PLB1: variants seen among roughly 807,000 people sequenced by gnomAD.
PLB1 encodes the protein phospholipase B1, also known as phospholipase B1, membrane-associated.
A neutral mutation model predicts 227.4 loss-of-function variants in PLB1; 242 were observed. That is an observed-to-expected ratio of 1.06 (90% confidence interval 0.96 to 1.18). PLB1 has a LOEUF of 1.18. Among genes scored for constraint, PLB1 ranks in the 50% most tolerant of loss-of-function variants. The pLI, the probability that PLB1 is intolerant of heterozygous loss-of-function variation, is 0.00. For synonymous variants in PLB1, 757 were observed against 682.2 expected (o/e 1.11, Z -1.71); for missense variants, 1,858 against 1,816.3 (o/e 1.02, Z -0.42).
chr2:28,522,340 TTC>T (rs894859971), intron 4 of PLB1, among the ~76,000 whole-genome samples: 8 of 152,096 alleles, frequency 5.3e-5, no homozygotes, highest in Non-Finnish European at 1.2e-4. Context: ...CCCACCCGCA[TTC>T]TCTCTTATCG....
At chr2:28,500,443 T>C (rs1666954797) in intron 1 of PLB1, among the ~76,000 whole-genome samples, 1 of 152,226 alleles carries the variant, frequency 6.6e-6, no homozygotes, top group Admixed American at 6.5e-5. Flanking sequence ...ACTGTGTGAT[T>C]ACCCTTTTTC....
intron 56 of PLB1, among the ~76,000 whole-genome samples, chr2:28,638,698 A>C (rs1047996918): frequency 5.9e-5 from 9 of 151,370 alleles, no homozygotes; most frequent in Non-Finnish European, 7.4e-5. Flanking sequence ...TAGAGAAAAA[A>C]TCAGCGTGGG....
intron 14 of PLB1, 97 bp from the exon 15 acceptor site, chr2:28,548,763 G>A (rs931537319): frequency 6.0e-6 from 7 of 1,170,220 alleles, no homozygotes; most frequent in Non-Finnish European, 8.9e-6. Context: ...GCGTTCCCTG[G>A]TACTGCTGCT....
chr2:28,531,054 A>G (rs1280352762), intron 8 of PLB1, among the ~76,000 whole-genome samples: 3 of 152,206 alleles, frequency 2.0e-5, no homozygotes, highest in East Asian at 1.9e-4. Flanking sequence ...GTGTTCCTCA[A>G]CTACATCGTG....
intron 19 of PLB1, 110 bp downstream of exon 19, chr2:28,565,463 T>A: frequency 1.0e-6 from 1 of 984,034 alleles, no homozygotes; most frequent in Non-Finnish European, 1.5e-6. Flanking sequence ...GCCATTTTGT[T>A]CTTTTCTATG....
chr2:28,620,339 A>G lies in PLB1; in HGVS notation c.3383+7A>G, dbSNP rs1435891048. 2.5e-6 allele frequency: 4 copies of G among 1,591,044 alleles called. No individual in the cohort carries two copies. Among genetic ancestry groups the G allele is most frequent in the Non-Finnish European group, 3.4e-6 (4 of 1,165,934 alleles). On this transcript the variant is annotated splice_region_variant and intron_variant, in intron 47 of 57. Transcript: ENST00000327757. The stretch of plus-strand genomic sequence containing the variant: ...GGAGGGGACTCTCTTGGAGGTGAGG[A>G]TGTTCTTGATGCATGCTCTATTGAT...
intron 25 of PLB1, among the ~76,000 whole-genome samples, chr2:28,583,016 C>T (rs921138052): frequency 3.3e-5 from 5 of 152,112 alleles, no homozygotes; most frequent in Non-Finnish European, 7.4e-5. Context: ...TAGCAGGGTC[C>T]AGAGGACAGA....
chr2:28,523,659 A>G (rs918167863), intron 4 of PLB1, among the ~76,000 whole-genome samples: 1 of 151,840 alleles, frequency 6.6e-6, no homozygotes, highest in Non-Finnish European at 1.5e-5. Context: ...TTTCCTCCCA[A>G]CATCTCTCTT....
At chr2:28,511,455 T>A (rs544952354) in intron 1 of PLB1, among the ~76,000 whole-genome samples, 2 of 152,222 alleles carry the variant, frequency 1.3e-5, no homozygotes, top group African/African-American at 2.4e-5. Context: ...ACCTACATAT[T>A]TATTCTTTCT....
intron 18 of PLB1, among the ~76,000 whole-genome samples, 170 bp downstream of exon 18, chr2:28,563,269 A>G (rs552224545): frequency 6.6e-6 from 1 of 152,196 alleles, no homozygotes; most frequent in South Asian, 2.1e-4. Context: ...ATTCAACAGC[A>G]TTCCCTTCCC....
intron 21 of PLB1, among the ~76,000 whole-genome samples, chr2:28,576,974 G>A (rs1279806316): frequency 6.6e-6 from 1 of 152,196 alleles, no homozygotes; most frequent in African/African-American, 2.4e-5. Flanking sequence ...TAAGCCCTGT[G>A]CCAGGGACTT....
At chr2:28,579,412 A>C (rs1267406575) in intron 22 of PLB1, among the ~76,000 whole-genome samples, 1 of 152,218 alleles carries the variant, frequency 6.6e-6, no homozygotes, top group Non-Finnish European at 1.5e-5. Context: ...GTGTGTGGAC[A>C]GAGCCACATG....
intron 41 of PLB1, 60 bp from the exon 42 acceptor site, chr2:28,605,793 G>A (rs779887452): frequency 1.5e-5 from 21 of 1,410,912 alleles, no homozygotes; most frequent in Admixed American, 6.9e-5. Context: ...GGCCAAGTCC[G>A]CTGGTGGTGG....
chr2:28,604,034 G>A lies in PLB1; in HGVS notation c.2843G>A (p.Ser948Asn), dbSNP rs1281857345. 6.2e-7 allele frequency: 1 copy of A among 1,614,020 alleles called. No individual in the cohort carries two copies. The highest frequency in any genetic ancestry group is 1.1e-5 in the South Asian group (1 of 91,082). ...GAGCTAGCCAGGCTGGAGGCCTTCA[G>A]CCGAGCCTACCGGGTAAGACCAAGA... The part of the protein sequence containing the change: ...SQELARLEAF[S>N]RAYRSSMREL... Residue 948 changes from serine (S) to asparagine (N), a missense_variant, in exon 40 of 58, where the codon AGC becomes AAC. Ser to Asn is a conservative substitution (Grantham distance 46). Transcript: ENST00000327757.
intron 37 of PLB1, 112 bp downstream of exon 37, chr2:28,601,444 A>C: frequency 1.3e-6 from 1 of 779,880 alleles, no homozygotes; most frequent in South Asian, 1.5e-5. Flanking sequence ...ATCCACCTAC[A>C]CCTATGTCTG....
At chr2:28,576,810 G>C (rs763485638) in intron 21 of PLB1, among the ~76,000 whole-genome samples, 7 of 152,190 alleles carry the variant, frequency 4.6e-5, no homozygotes, top group Non-Finnish European at 7.4e-5. Flanking sequence ...GATAACTTCA[G>C]ATTTACAGAT....
intron 9 of PLB1, among the ~76,000 whole-genome samples, chr2:28,534,388 A>G (rs1671400576): frequency 6.6e-6 from 1 of 152,242 alleles, no homozygotes; most frequent in African/African-American, 2.4e-5. Context: ...AATCAATTTA[A>G]AGGATTGCAA....
At chr2:28,593,918 A>T in intron 33 of PLB1, 164 bp downstream of exon 33, 6 of 709,570 alleles carry the variant, frequency 8.5e-6, no homozygotes, top group Non-Finnish European at 1.3e-5. Context: ...ACATTTGGTG[A>T]GTGGAGAGGA....
intron 45 of PLB1, among the ~76,000 whole-genome samples, chr2:28,618,013 C>T (rs1161406974): frequency 6.6e-6 from 1 of 152,184 alleles, no homozygotes; most frequent in African/African-American, 2.4e-5. Context: ...CAGTGGCAGT[C>T]CCTTAGGCCT....
Sources: allele counts gnomAD v4.1 joint callset (sites outside exome capture counted in the v4.1 genomes callset), GRCh38; gene constraint gnomAD v4.1.1; transcripts MANE v1.5; gene names NCBI Gene and HGNC (gene_info 2026-07-23, HGNC 2026-07-21).